Variants in SMARCAL1 observed in about 807,000 individuals in gnomAD.
The protein encoded by SMARCAL1 is SNF2 related chromatin remodeling annealing helicase 1.
In SMARCAL1, 58 loss-of-function variants were observed where a neutral mutation model predicts 94.5. The ratio of observed to expected loss-of-function variants is 0.61; its 90% CI spans 0.50 to 0.76. SMARCAL1 has a LOEUF of 0.76. Among genes scored for constraint, SMARCAL1 ranks in the 30% least tolerant of loss-of-function variants. SMARCAL1 has a pLI of 0.00. For synonymous variants in SMARCAL1, 422 were observed against 455.1 expected (o/e 0.93, Z 0.93); for missense variants, 1,051 against 1,177.9 (o/e 0.89, Z 1.58).
At chr2:216,425,251 G>T (rs1288573632) in intron 6 of SMARCAL1, among the ~76,000 whole-genome samples, 2 of 152,192 alleles carry the variant, frequency 1.3e-5, no homozygotes, top group East Asian at 1.9e-4. Context: ...AGCCAGGTGC[G>T]CCAGCTGCTG....
chr2:216,414,824 C>T lies in SMARCAL1; in HGVS notation c.120C>T (p.Thr40=), dbSNP rs747399047. The T allele has an allele frequency of 5.0e-6, 8 of 1,614,202 alleles. No individual in the cohort carries two copies. The highest frequency in any genetic ancestry group is 6.8e-6 in the Non-Finnish European group (8 of 1,180,042). Residue 40 remains threonine, a synonymous_variant, in exon 3 of 18, where the codon ACC becomes ACT. Transcript: ENST00000357276. The stretch of plus-strand genomic sequence containing the variant: ...AGCATCAGAGGACTAGCTCGGGCAC[C>T]TCCATTGCTGGCAACCCATTCCAGG... The part of the protein sequence containing the change: ...AEQHQRTSSG[T]SIAGNPFQAK...
At chr2:216,467,917 C>T (rs1364282496) in intron 13 of SMARCAL1, 27 bp from the exon 14 acceptor site, 4 of 1,326,316 alleles carry the variant, frequency 3.0e-6, no homozygotes, top group Non-Finnish European at 4.4e-6. Flanking sequence ...TATGTTTAAT[C>T]TGTTTTGTTG....
intron 12 of SMARCAL1, among the ~76,000 whole-genome samples, chr2:216,455,354 G>C (rs865905919): frequency 1.3e-5 from 2 of 152,196 alleles, no homozygotes; most frequent in South Asian, 4.1e-4. Context: ...AGAGAGTAGT[G>C]GTTCTTCCAG....
chr2:216,426,141 C>T (rs572242277), intron 6 of SMARCAL1, among the ~76,000 whole-genome samples: 2 of 152,280 alleles, frequency 1.3e-5, no homozygotes, highest in South Asian at 2.1e-4. Context: ...GGATTACAGG[C>T]GTGAGCCACC....
intron 5 of SMARCAL1, among the ~76,000 whole-genome samples, chr2:216,422,816 T>C (rs1041678587): frequency 2.6e-5 from 4 of 152,206 alleles, no homozygotes; most frequent in African/African-American, 9.6e-5. Flanking sequence ...AAAGATAGAT[T>C]AGTAGAGAAA....
intron 9 of SMARCAL1, among the ~76,000 whole-genome samples, chr2:216,437,227 T>C (rs1694099413): frequency 6.6e-6 from 1 of 152,224 alleles, no homozygotes; most frequent in Admixed American, 6.5e-5. Flanking sequence ...CTCTGTACTT[T>C]CTGTGTTTTT....
chr2:216,461,143 G>A (rs1694691720), intron 12 of SMARCAL1, among the ~76,000 whole-genome samples: 1 of 151,682 alleles, frequency 6.6e-6, no homozygotes, highest in Non-Finnish European at 1.5e-5. Context: ...TTAAGGTAAT[G>A]AGCATTGGTG....
intron 10 of SMARCAL1, 71 bp from the exon 11 acceptor site, chr2:216,446,947 C>A: frequency 6.3e-7 from 1 of 1,598,890 alleles, no homozygotes; most frequent in South Asian, 1.1e-5. Context: ...TCCTCCCTCA[C>A]TGGGGCATTT....
chr2:216,464,506 T>C, intron 12 of SMARCAL1, 91 bp from the exon 13 acceptor site: 2 of 968,416 alleles, frequency 2.1e-6, no homozygotes, highest in South Asian at 1.3e-5. Context: ...GTGGTTGAGA[T>C]TTGTAAAGCG....
At chr2:216,430,715 C>T (rs1283246730) in intron 7 of SMARCAL1, among the ~76,000 whole-genome samples, 1 of 152,094 alleles carries the variant, frequency 6.6e-6, no homozygotes, top group African/African-American at 2.4e-5. Context: ...GCGGATAGAC[C>T]AAACTTCTGG....
At chr2:216,419,929 C>G (rs1250761539) in intron 4 of SMARCAL1, among the ~76,000 whole-genome samples, 1 of 144,456 alleles carries the variant, frequency 6.9e-6, no homozygotes, top group Non-Finnish European at 1.5e-5. Flanking sequence ...ACTGGGGAGT[C>G]TGAGGTGGAG....
At chr2:216,440,010 C>T (rs1559128709) in intron 10 of SMARCAL1, among the ~76,000 whole-genome samples, 1 of 150,946 alleles carries the variant, frequency 6.6e-6, no homozygotes, top group Non-Finnish European at 1.5e-5. Context: ...CCACTGCACT[C>T]CAGCCTGGGT....
chr2:216,448,836 A>AG (rs1284752718), intron 11 of SMARCAL1, among the ~76,000 whole-genome samples: 1 of 152,114 alleles, frequency 6.6e-6, no homozygotes, highest in Admixed American at 6.5e-5. Context: ...TGTCTCAAAA[A>AG]AAAAAAAGAA....
At position 216,482,274 on chromosome 2, in the gene SMARCAL1, G is replaced by T. The variant is rs189066397; in HGVS notation, c.2626-464G>T. Among the ~76,000 whole-genome samples, 26 of 152,140 alleles carry T rather than the reference G, an allele frequency of 1.7e-4. No individual in the cohort carries two copies. The highest frequency in any genetic ancestry group is 1.6e-3 in the Admixed American group (24 of 15,266). On this transcript the variant is annotated intron_variant, in intron 17 of 17. Transcript: ENST00000357276. The surrounding 1 kb of genome is among the most constrained non-coding windows in gnomAD (Gnocchi z 4.3). ...TCGAGACCAGCCTGGGCAACATTTA[G>T]TGAGATCCCATCTCTTAAAAAATTA... is the stretch of plus-strand genomic sequence containing the variant.
At position 216,482,172 on chromosome 2, in the gene SMARCAL1, T is replaced by G. The variant is rs1695214620; in HGVS notation, c.2626-566T>G. Reference sequence around the variant, plus strand: ...CACAGAGATTTGGAAGTTGGGGGGCTGGGCACATGGTGGCTCACACCTGTA... The same window carrying G: ...CACAGAGATTTGGAAGTTGGGGGGCGGGGCACATGGTGGCTCACACCTGTA... On this transcript the variant is annotated intron_variant, in intron 17 of 17. Coordinates refer to ENST00000357276, the MANE Select transcript of SMARCAL1 (RefSeq NM_014140.4). This position sits in a 1 kb window ranked among gnomAD's most constrained non-coding sequence, Gnocchi z 4.3. 6.6e-6 allele frequency among the ~76,000 whole-genome samples: 1 copy of G among 152,128 alleles called. No homozygotes were observed. Among genetic ancestry groups the G allele is most frequent in the Non-Finnish European group, 1.5e-5 (1 of 68,012 alleles).
chr2:216,415,307 G>C lies in SMARCAL1; in HGVS notation c.603G>C (p.Gly201=), dbSNP rs35048226. Residue 201 remains glycine, a synonymous_variant, in exon 3 of 18, where the codon GGG becomes GGC. Transcript: ENST00000357276. ...AGACAGCAAAAGCCTCCCCTTCGGGGCAGAACATTTCTTACATCCATTCTA... is the reference window on the plus strand; with the variant it reads ...AGACAGCAAAAGCCTCCCCTTCGGGCCAGAACATTTCTTACATCCATTCTA... ...EAKTAKASPS[G]QNISYIHSSS... 4.3e-4 allele frequency: 691 copies of C among 1,614,254 alleles called. 3 individuals carry two copies. In the African/African-American group the frequency reaches 8.0e-3, roughly 19 times the overall value.
chr2:216,480,130 C>A (rs1695165604), intron 17 of SMARCAL1, among the ~76,000 whole-genome samples: 1 of 152,178 alleles, frequency 6.6e-6, no homozygotes, highest in Non-Finnish European at 1.5e-5. Flanking sequence ...TTCTCTTACT[C>A]TAAATTGGTT....
chr2:216,455,601 G>A (rs1694547805), intron 12 of SMARCAL1, among the ~76,000 whole-genome samples: 1 of 152,236 alleles, frequency 6.6e-6, no homozygotes, highest in Admixed American at 6.5e-5. Flanking sequence ...GTCTGGAGTG[G>A]TCCTCCAGCA....
intron 10 of SMARCAL1, among the ~76,000 whole-genome samples, chr2:216,441,965 A>T (rs536958560): frequency 1.5e-3 from 233 of 152,318 alleles, no homozygotes; most frequent in African/African-American, 5.5e-3. Flanking sequence ...AGGCCCCTAG[A>T]GTCCTACCAT....
Sources: gnomAD v4.1 joint callset for allele counts (sites outside exome capture counted in the v4.1 genomes callset) on GRCh38, gnomAD v4.1.1 for gene constraint, Gnocchi (gnomAD v3.1) non-coding constraint, MANE v1.5 for transcripts, NCBI Gene and HGNC (gene_info 2026-07-23, HGNC 2026-07-21) for gene names.